SF3B1: variants seen among roughly 807,000 people sequenced by gnomAD.
SF3B1 encodes the protein splicing factor 3b subunit 1, also known as pre-mRNA processing 10.
In SF3B1, 12 loss-of-function variants were observed where a neutral mutation model predicts 153.8. That is an observed-to-expected ratio of 0.08 (90% CI 0.05 to 0.13). The LOEUF (loss-of-function observed/expected upper bound fraction) is 0.13, where lower values mean the gene tolerates loss of function less well. Ranked by LOEUF, SF3B1 falls within the 10% of genes least tolerant of loss-of-function variation. The pLI is 1.00. For synonymous variants in SF3B1, 498 were observed against 525.2 expected (o/e 0.95, Z 0.71); for missense variants, 513 against 1,606.1 (o/e 0.32, Z 11.63).
At chr2:197,398,903 CACA>C in intron 20 of SF3B1, 4 of 516,622 alleles carry the variant, frequency 7.7e-6, no homozygotes, top group South Asian at 6.2e-5. Flanking sequence ...TCCGGCCATA[CACA>C]ACAATATAAG....
chr2:197,428,148 T>C (rs2085364785), intron 1 of SF3B1, among the ~76,000 whole-genome samples: 1 of 151,806 alleles, frequency 6.6e-6, no homozygotes, highest in Admixed American at 6.6e-5. Flanking sequence ...ACCCTGTCTC[T>C]ACAAAAATTA....
chr2:197,431,898 G>A (rs538238819), intron 1 of SF3B1, among the ~76,000 whole-genome samples: 1 of 152,208 alleles, frequency 6.6e-6, no homozygotes, highest in African/African-American at 2.4e-5. Flanking sequence ...GGCCAAGGCA[G>A]GACTGCTTGA....
At chr2:197,405,869 A>T (rs2084985321) in intron 9 of SF3B1, among the ~76,000 whole-genome samples, 1 of 152,134 alleles carries the variant, frequency 6.6e-6, no homozygotes, top group Non-Finnish European at 1.5e-5. Flanking sequence ...ATGGGGCATA[A>T]AACATAAAAA....
At chr2:197,413,105 G>C (rs2085096662) in intron 6 of SF3B1, among the ~76,000 whole-genome samples, 1 of 150,462 alleles carries the variant, frequency 6.6e-6, no homozygotes, top group Admixed American at 6.6e-5. Flanking sequence ...TAGAATTAAA[G>C]TTACTAGTTA....
chr2:197,421,365 T>C (rs2085239405), intron 2 of SF3B1, among the ~76,000 whole-genome samples: 1 of 152,230 alleles, frequency 6.6e-6, no homozygotes, highest in African/African-American at 2.4e-5. Flanking sequence ...GAATATTTTC[T>C]ATAGACGTCA....
chr2:197,421,105 C>T lies in SF3B1; in HGVS notation c.224G>A (p.Ser75Asn), dbSNP rs745690210. The T allele has an allele frequency of 1.9e-6, 3 of 1,613,306 alleles. No individual in the cohort carries two copies. The highest frequency in any genetic ancestry group is 2.5e-6 in the Non-Finnish European group (3 of 1,179,526). Residue 75 changes from serine (S) to asparagine (N), a missense_variant, in exon 3 of 25, where the codon AGT (serine) becomes AAT (asparagine). Transcript: ENST00000335508. ...DDDDDYSSST[S>N]LLGQKKPGYH... ...TCCTGGCTTCTTCTGACCAAGCAAA[C>T]TCGTAGATGATGAATAGTCATCGTC...
Position 197,400,448 on chromosome 2 carries a change from TTAAA to T in SF3B1, c.2719-18_2719-15del. On this transcript the variant is annotated splice_polypyrimidine_tract_variant and intron_variant, in intron 18 of 24. Transcript: ENST00000335508. This position sits in a 1 kb window ranked among gnomAD's most constrained non-coding sequence, Gnocchi z 5.0. ...CATTACTGAGTCCTAAAAAATAAAT[TTAAA>T]AAAAAGACATATTCATTTGGTTTAT... 2 of 1,562,244 alleles carry T rather than the reference TTAAA, an allele frequency of 1.3e-6. No homozygotes were observed. The highest frequency in any genetic ancestry group is 1.7e-6 in the Non-Finnish European group (2 of 1,153,460).
chr2:197,422,773 C>T (rs2106013950), intron 2 of SF3B1, among the ~76,000 whole-genome samples: 1 of 151,834 alleles, frequency 6.6e-6, no homozygotes. Flanking sequence ...ATCTGTAGTC[C>T]CAGCTACTCG....
At chr2:197,418,653 T>C (rs934404813) in intron 4 of SF3B1, 65 bp from the exon 5 acceptor site, 1 of 1,572,876 alleles carries the variant, frequency 6.4e-7, no homozygotes, top group Non-Finnish European at 8.6e-7. Flanking sequence ...GTTCAACTGA[T>C]TTATCTGCCC....
Position 197,412,047 on chromosome 2 carries a change from T to C in SF3B1, c.667-2040A>G, listed in dbSNP as rs961367394. On this transcript the variant is annotated intron_variant, in intron 6 of 24. Transcript: ENST00000335508. ...ATTGCCTAAACCCAGGAGGCGGAGG[T>C]TGCAACAAGCCAAGATCACGCCACT... 4.8e-4 allele frequency among the ~76,000 whole-genome samples: 71 copies of C among 149,172 alleles called. No homozygotes were observed. In the Admixed American group the frequency reaches 4.8e-3, roughly 10 times the overall value.
In SF3B1 at chr2:197,408,076, C is replaced by T. The variant is rs776316991; in HGVS notation, c.1161G>A (p.Arg387=). 32 of 1,613,558 alleles carry T rather than the reference C, an allele frequency of 2.0e-5. 1 individual carries two copies. The South Asian group carries it at 3.3e-4, about 17-fold the overall frequency. Residue 387 remains arginine (R), a synonymous_variant, in exon 9 of 25, where the codon CGG becomes CGA. Coordinates refer to ENST00000335508, the MANE Select transcript of SF3B1 (RefSeq NM_012433.4). ...TTCTCTCATCAATTTCTCTTTCCCA[C>T]CGCCAAGCCTGAAGCTGTTCAGGAG... The part of the protein sequence containing the change: ...SMTPEQLQAW[R]WEREIDERNR...
chr2:197,407,684 C>T (rs2085012951), intron 9 of SF3B1, among the ~76,000 whole-genome samples: 1 of 151,774 alleles, frequency 6.6e-6, no homozygotes, highest in Admixed American at 6.6e-5. Flanking sequence ...TGGTGAAGCA[C>T]CAAGTAAAAT....
At chr2:197,431,045 C>T (rs1389154800) in intron 1 of SF3B1, among the ~76,000 whole-genome samples, 1 of 150,224 alleles carries the variant, frequency 6.7e-6, no homozygotes, top group Non-Finnish European at 1.5e-5. Flanking sequence ...TCTGATAAAA[C>T]TATTTAACTG....
At position 197,405,407 on chromosome 2, in the gene SF3B1, T is replaced by C. The variant is rs202130465; in HGVS notation, c.1305A>G (p.Pro435=). ...RTPARKLTAT[P]TPLGGMTGFH... ...AACCAGTCATACCACCCAAAGGTGT[T>C]GGAGTAGCTGTCAGCTTTCGAGCTG... Residue 435 remains proline (P), a synonymous_variant, in exon 10 of 25, where the codon CCA becomes CCG. Coordinates refer to ENST00000335508, the MANE Select transcript of SF3B1 (RefSeq NM_012433.4). 64 of 1,614,052 alleles carry C rather than the reference T, an allele frequency of 4.0e-5. No individual in the cohort carries two copies. The East Asian group carries it at 1.3e-3, about 34-fold the overall frequency.
intron 4 of SF3B1, 181 bp downstream of exon 4, chr2:197,420,247 G>T: frequency 2.1e-6 from 1 of 470,358 alleles, no homozygotes; most frequent in East Asian, 3.2e-5. Flanking sequence ...AAGAAAACTT[G>T]CATTATAAAG....
intron 22 of SF3B1, among the ~76,000 whole-genome samples, chr2:197,396,580 T>G (rs1476819256): frequency 1.3e-5 from 2 of 152,344 alleles, no homozygotes; most frequent in Admixed American, 1.3e-4. Context: ...TCTAAACATT[T>G]TAAGTTAACT....
At chr2:197,406,309 A>G (rs1210840610) in intron 9 of SF3B1, among the ~76,000 whole-genome samples, 1 of 152,042 alleles carries the variant, frequency 6.6e-6, no homozygotes, top group Non-Finnish European at 1.5e-5. Flanking sequence ...AAACCTATAC[A>G]CGTCTTCTCC....
intron 6 of SF3B1, 95 bp downstream of exon 6, chr2:197,416,646 T>C: frequency 3.8e-6 from 4 of 1,048,376 alleles, no homozygotes; most frequent in Non-Finnish European, 4.1e-6. Flanking sequence ...GCACCCAGTC[T>C]GTGGTATCTT....
At chr2:197,397,533 C>T (rs939749486) in intron 22 of SF3B1, among the ~76,000 whole-genome samples, 5 of 152,164 alleles carry the variant, frequency 3.3e-5, no homozygotes, top group Non-Finnish European at 7.4e-5. Flanking sequence ...CAGTGGCTCA[C>T]GCCTGTAATC....
Sources: allele counts gnomAD v4.1 joint callset (sites outside exome capture counted in the v4.1 genomes callset), GRCh38; gene constraint gnomAD v4.1.1; non-coding constraint Gnocchi (gnomAD v3.1); transcripts MANE v1.5; gene names NCBI Gene and HGNC (gene_info 2026-07-23, HGNC 2026-07-21).